ESS2: variants seen among roughly 807,000 people sequenced by gnomAD.
ESS2 encodes splicing factor ESS-2 homolog.
A neutral mutation model predicts 52.0 loss-of-function variants in ESS2; 31 were observed. The observed-to-expected ratio is 0.60, with a 90% CI of 0.45 to 0.81. The LOEUF is 0.81. ESS2 is among the 30% of genes least tolerant of loss of function. ESS2 has a pLI of 0.00. For missense variants in ESS2, 602 were observed against 637.2 expected (o/e 0.94, Z 0.59); for synonymous variants, 285 against 259.2 (o/e 1.10, Z -0.95).
Position 19,132,755 on chromosome 22 carries a change from A to C in ESS2, c.*1441T>G. On this transcript the variant is annotated 3_prime_UTR_variant, in exon 10 of 10. Coordinates refer to ENST00000252137, the MANE Select transcript of ESS2 (RefSeq NM_022719.3). This position sits in a 1 kb window ranked among gnomAD's most constrained non-coding sequence, Gnocchi z 4.2. Reference sequence around the variant, plus strand: ...TCTCTGGGACTCAGCCAACCGCCCCACCTGACACACAGTGGTCTCCGGCCT... The same window carrying C: ...TCTCTGGGACTCAGCCAACCGCCCCCCCTGACACACAGTGGTCTCCGGCCT... The C allele has an allele frequency of 2.3e-6, 1 of 433,012 alleles. No individual in the cohort carries two copies. Among genetic ancestry groups the C allele is most frequent in the South Asian group, 2.5e-5 (1 of 39,778 alleles). The allele number at this position is 433,012 out of a possible 1,614,324, so 26.8% of individuals were successfully genotyped here.
intron 3 of ESS2, among the ~76,000 whole-genome samples, chr22:19,140,370 AGTG>A (rs1251768850): frequency 6.6e-6 from 1 of 152,074 alleles, no homozygotes; most frequent in Admixed American, 6.5e-5. Context: ...CCCCCACCAA[AGTG>A]GTGCCAGGCC....
chr22:19,135,050 G>T lies in ESS2; in HGVS notation c.1151+10C>A. On this transcript the variant is annotated intron_variant, in intron 9 of 9. Coordinates refer to ENST00000252137, the MANE Select transcript of ESS2 (RefSeq NM_022719.3). ...CCTCGCACTTCCCCACCAGCCAGGC[G>T]GCCCCTCACCTGGCCAGATTCTCCG... is the stretch of plus-strand genomic sequence containing the variant. 6.2e-7 allele frequency: 1 copy of T among 1,610,782 alleles called. No homozygotes were observed. Among genetic ancestry groups the T allele is most frequent in the South Asian group, 1.1e-5 (1 of 90,958 alleles).
chr22:19,136,560 G>C (rs1331667329), intron 8 of ESS2, among the ~76,000 whole-genome samples: 1 of 152,072 alleles, frequency 6.6e-6, no homozygotes, highest in Non-Finnish European at 1.5e-5. Flanking sequence ...TTCTGACTTG[G>C]ATCATGGTTT....
In ESS2 at chr22:19,137,440, C is replaced by A; in HGVS notation, c.926-8G>T. 6.2e-7 allele frequency: 1 copy of A among 1,607,308 alleles called. No homozygotes were observed. Among genetic ancestry groups the A allele is most frequent in the Non-Finnish European group, 8.5e-7 (1 of 1,175,402 alleles). On this transcript the variant is annotated splice_region_variant and splice_polypyrimidine_tract_variant and intron_variant, in intron 7 of 9. Transcript: ENST00000252137. ...TCGGGGACTCGTTCACACCTGCAGACAAAGAGCCCAAAACCACCTCAGGCC... is the reference window on the plus strand; with the variant it reads ...TCGGGGACTCGTTCACACCTGCAGAAAAAGAGCCCAAAACCACCTCAGGCC...
rs893601213 is a variant in ESS2, at chr22:19,139,795, G to C, written c.570+60C>G. 95 of 1,613,600 alleles carry C rather than the reference G, an allele frequency of 5.9e-5. 1 individual carries two copies. Among genetic ancestry groups the C allele is most frequent in the Non-Finnish European group, 8.0e-5 (94 of 1,179,680 alleles). On this transcript the variant is annotated intron_variant, in intron 4 of 9. Coordinates refer to ENST00000252137, the MANE Select transcript of ESS2 (RefSeq NM_022719.3). ...TGGGCATTGTACCCATGGCCCTGGG[G>C]CTCCCCAACCACCACAGAGGGTGCC...
Position 19,131,468 on chromosome 22 carries a change from C to G in ESS2, c.*2728G>C. ...GCATCAATCTTGGCAAGGGTTCCTA[C>G]GCAAAAGTCAAATCTGCCTACTCTG... On this transcript the variant is annotated 3_prime_UTR_variant, in exon 10 of 10. Coordinates refer to ENST00000252137, the MANE Select transcript of ESS2 (RefSeq NM_022719.3). This position sits in a 1 kb window ranked among gnomAD's most constrained non-coding sequence, Gnocchi z 5.7. 1 of 1,614,114 alleles carries G rather than the reference C, an allele frequency of 6.2e-7. No homozygotes were observed. Among genetic ancestry groups the G allele is most frequent in the African/African-American group, 1.3e-5 (1 of 75,032 alleles).
In ESS2 at chr22:19,131,357, C is replaced by G. The variant is rs769216541; in HGVS notation, c.*2839G>C. The stretch of plus-strand genomic sequence containing the variant: ...GGACAATGCCTGCTGGCCCACATGA[C>G]GGGGGGATGTAGACGGCAGCGGCGC... On this transcript the variant is annotated 3_prime_UTR_variant, in exon 10 of 10. Transcript: ENST00000252137. This position sits in a 1 kb window ranked among gnomAD's most constrained non-coding sequence, Gnocchi z 5.7. The G allele has an allele frequency of 7.5e-5, 114 of 1,513,950 alleles. No homozygotes were observed. Among genetic ancestry groups the G allele is most frequent in the Non-Finnish European group, 9.8e-5 (109 of 1,115,164 alleles). The allele number at this position is 1,513,950 out of a possible 1,614,324, so 93.8% of individuals were successfully genotyped here. A position where few individuals can be genotyped will look rare whatever the true frequency, so the allele number is the denominator to read the frequency against.
intron 7 of ESS2, 86 bp downstream of exon 7, chr22:19,138,129 C>A: frequency 6.3e-7 from 1 of 1,590,804 alleles, no homozygotes. Flanking sequence ...AGGTAGAGGC[C>A]AGGAGTGGCC....
At position 19,134,324 on chromosome 22, in the gene ESS2, G is replaced by A. The variant is rs763671482; in HGVS notation, c.1303C>T (p.Leu435=). ...STHLKTPASG[L]QTPTSTPAPG... The stretch of plus-strand genomic sequence containing the variant: ...GCCGGTGTGCTTGTGGGGGTCTGCA[G>A]CCCACTGGCCGGGGTCTTGAGGTGG... The change falls in exon 10 of 10, where the codon CTG becomes TTG. Residue 435 remains leucine, a synonymous_variant. Coordinates refer to ENST00000252137, the MANE Select transcript of ESS2 (RefSeq NM_022719.3). 1 of 1,610,476 alleles carries A rather than the reference G, an allele frequency of 6.2e-7. No homozygotes were observed. The highest frequency in any genetic ancestry group is 8.5e-7 in the Non-Finnish European group (1 of 1,178,256).
chr22:19,144,365 C>A, intron 1 of ESS2, 141 bp downstream of exon 1: 2 of 1,505,116 alleles, frequency 1.3e-6, no homozygotes, highest in Non-Finnish European at 1.8e-6. Context: ...GCCCTGTTTA[C>A]TTGACTCGTG....
At position 19,142,577 on chromosome 22, in the gene ESS2, C is replaced by T. The variant is rs773235843; in HGVS notation, c.361G>A (p.Gly121Ser). Residue 121 changes from glycine to serine, a missense_variant, in exon 3 of 10, where the codon GGC becomes AGC. Coordinates refer to ENST00000252137, the MANE Select transcript of ESS2 (RefSeq NM_022719.3). Reference protein sequence around the residue: ...PEVHAGTGVVGNKPRPRGRGL... With the variant: ...PEVHAGTGVVSNKPRPRGRGL... ...CGGCCGCGGGGCCTGGGCTTGTTGCCCACCACTCCAGTGCCTGCATGCACC... is the reference window on the plus strand; with the variant it reads ...CGGCCGCGGGGCCTGGGCTTGTTGCTCACCACTCCAGTGCCTGCATGCACC... 1.2e-6 allele frequency: 2 copies of T among 1,613,238 alleles called. No homozygotes were observed. Among genetic ancestry groups the T allele is most frequent in the Non-Finnish European group, 1.7e-6 (2 of 1,179,700 alleles).
In ESS2 at chr22:19,139,918, C is replaced by T; in HGVS notation, c.507G>A (p.Val169=). ...DNASFQEIME[V]AKERSRARHA... is the part of the protein sequence containing the mutation. Reference sequence around the variant, plus strand: ...GGCGTGCCCGGCTTCTCTCCTTGGCCACCTCCATGATCTCCTGGAAGGAGG... The same window carrying T: ...GGCGTGCCCGGCTTCTCTCCTTGGCTACCTCCATGATCTCCTGGAAGGAGG... Residue 169 remains valine, a synonymous_variant, in exon 4 of 10, where the codon GTG becomes GTA. Coordinates refer to ENST00000252137, the MANE Select transcript of ESS2 (RefSeq NM_022719.3). 1 of 1,614,192 alleles carries T rather than the reference C, an allele frequency of 6.2e-7. No homozygotes were observed. Among genetic ancestry groups the T allele is most frequent in the Non-Finnish European group, 8.5e-7 (1 of 1,180,038 alleles).
chr22:19,136,031 T>TAAAAAAAAAAAAAAAAAAAAAAAAAAA (rs377121962), intron 8 of ESS2, among the ~76,000 whole-genome samples: 1 of 92,542 alleles, frequency 1.1e-5, no homozygotes, highest in African/African-American at 4.4e-5. Flanking sequence ...CCCTATCTGT[T>TAAAAAAAAAAAAAAAAAAAAAAAAAAA]AAAAAAAAAA....
intron 1 of ESS2, among the ~76,000 whole-genome samples, chr22:19,143,680 A>G (rs1013445572): frequency 5.9e-5 from 9 of 152,054 alleles, no homozygotes; most frequent in African/African-American, 1.7e-4. Flanking sequence ...ACATGGTGAA[A>G]CCCCACCACT....
At position 19,132,110 on chromosome 22, in the gene ESS2, C is replaced by T; in HGVS notation, c.*2086G>A. 2 of 1,612,766 alleles carry T rather than the reference C, an allele frequency of 1.2e-6. No individual in the cohort carries two copies. The highest frequency in any genetic ancestry group is 1.7e-6 in the Non-Finnish European group (2 of 1,178,904). ...AGGAGCACCGTGTGGACTTCCCGCG[C>T]TCCAAGAACCTGACCTGCGAGTGCA... On this transcript the variant is annotated 3_prime_UTR_variant, in exon 10 of 10. Coordinates refer to ENST00000252137, the MANE Select transcript of ESS2 (RefSeq NM_022719.3). This position sits in a 1 kb window ranked among gnomAD's most constrained non-coding sequence, Gnocchi z 4.2.
chr22:19,135,621 GT>G (rs1188023240), intron 8 of ESS2, among the ~76,000 whole-genome samples: 2 of 147,186 alleles, frequency 1.4e-5, no homozygotes, highest in Non-Finnish European at 2.9e-5. Flanking sequence ...CTGTGCACAT[GT>G]TTTTTCACTC....
chr22:19,143,214 A>AAG (rs1601367894), intron 1 of ESS2, among the ~76,000 whole-genome samples: 1 of 151,008 alleles, frequency 6.6e-6, no homozygotes, highest in African/African-American at 2.4e-5. Flanking sequence ...AAAAAAAAAA[A>AAG]AAAAAAGAAA....
intron 3 of ESS2, among the ~76,000 whole-genome samples, chr22:19,140,378 C>G (rs532638633): frequency 5.9e-5 from 9 of 152,242 alleles, no homozygotes; most frequent in Admixed American, 5.2e-4. Context: ...AAAGTGGTGC[C>G]AGGCCTGTGG....
chr22:19,137,232 G>A (rs1449299391), intron 8 of ESS2, 91 bp downstream of exon 8: 17 of 896,082 alleles, frequency 1.9e-5, no homozygotes, highest in Admixed American at 1.5e-4. Flanking sequence ...GCTGGGGGCC[G>A]ATCCCAGTGC....
Sources: gnomAD v4.1 joint callset for allele counts (sites outside exome capture counted in the v4.1 genomes callset) on GRCh38, gnomAD v4.1.1 for gene constraint, Gnocchi (gnomAD v3.1) non-coding constraint, MANE v1.5 for transcripts, NCBI Gene and HGNC (gene_info 2026-07-23, HGNC 2026-07-21) for gene names.